The following PRKAA2 variants were observed in gnomAD, a reference collection of about 807,000 sequenced individuals.
The protein encoded by PRKAA2 is protein kinase AMP-activated catalytic subunit alpha 2.
Under a neutral mutation model 56.3 loss-of-function variants are expected in PRKAA2, and 40 were observed. The ratio of observed to expected loss-of-function variants is 0.71; its 90% CI spans 0.55 to 0.92. The LOEUF is 0.92. PRKAA2 is among the 40% of genes least tolerant of loss of function. PRKAA2 has a pLI of 0.00. For missense variants in PRKAA2, 542 were observed against 686.9 expected, an observed-to-expected ratio of 0.79 and a Z score of 2.36; for synonymous variants, 214 against 234.2, an observed-to-expected ratio of 0.91 and a Z score of 0.79.
rs1644314780 is a variant in PRKAA2 at position 56,704,056 on chromosome 1, G to A, written c.874G>A (p.Ala292Thr). ...SYDANVIDDE[A>T]VKEVCEKFEC... Reference sequence around the variant, plus strand: ...TGATGCTAACGTCATTGATGATGAGGCTGTGAAAGAAGTGTGTGAAAAATT... The same window carrying A: ...TGATGCTAACGTCATTGATGATGAGACTGTGAAAGAAGTGTGTGAAAAATT... The change falls in exon 7 of 9, where the codon GCT (alanine) becomes ACT (threonine). Residue 292 changes from alanine to threonine, a missense_variant. Physicochemically the swap from Ala to Thr is moderately conservative, Grantham distance 58 (BLOSUM62 0). This residue lies in a region of PRKAA2 where 198 missense variants were observed against 234.0 expected (regional missense o/e 0.85). Transcript: ENST00000371244. 1.2e-6 allele frequency: 2 copies of A among 1,614,060 alleles called. No homozygotes were observed. Among genetic ancestry groups the A allele is most frequent in the Non-Finnish European group, 1.7e-6 (2 of 1,179,966 alleles).
chr1:56,697,484 A>G lies in PRKAA2; in HGVS notation c.788+1325A>G, dbSNP rs78609775. Among the ~76,000 whole-genome samples the G allele has an allele frequency of 3.0e-4, 45 of 152,248 alleles. No individual in the cohort carries two copies. The East Asian group carries it at 8.7e-3, about 29-fold the overall frequency. On this transcript the variant is annotated intron_variant, in intron 6 of 8. Transcript: ENST00000371244. ...TTCCCAGCCTTTCTTCAGTGTTCCA[A>G]ACCTCATGTATAACAATGTAAAAGT...
At chr1:56,654,781 T>G (rs529979351) in intron 1 of PRKAA2, among the ~76,000 whole-genome samples, 6 of 152,304 alleles carry the variant, frequency 3.9e-5, no homozygotes, top group African/African-American at 1.4e-4. Context: ...AACAGTATTC[T>G]TGCTTAAGTG....
At chr1:56,652,008 A>AT (rs35462805) in intron 1 of PRKAA2, among the ~76,000 whole-genome samples, 3,961 of 106,518 alleles carry the variant, frequency 0.037, 78 homozygotes, top group African/African-American at 0.054. Context: ...CGCCTGGCTA[A>AT]TTTTTTTTTT....
Position 56,645,408 on chromosome 1 carries a change from C to G in PRKAA2, c.21C>G (p.His7Gln). ...CGAAGATGGCTGAGAAGCAGAAGCA[C>G]GACGGGCGGGTGAAGATCGGACACT... is the stretch of plus-strand genomic sequence containing the variant. MAEKQK[H>Q]DGRVKIGHYV... The change falls in exon 1 of 9, where the codon CAC becomes CAG. Residue 7 changes from histidine (H) to glutamine (Q), a missense_variant. His to Gln is a conservative substitution (Grantham distance 24). Transcript: ENST00000371244. 1 of 1,508,390 alleles carries G rather than the reference C, an allele frequency of 6.6e-7. No individual in the cohort carries two copies. The highest frequency in any genetic ancestry group is 2.8e-5 in the East Asian group (1 of 35,888). The allele number at this position is 1,508,390 out of a possible 1,614,324, so 93.4% of individuals were successfully genotyped here.
chr1:56,655,087 GA>G (rs1643929323), intron 1 of PRKAA2, among the ~76,000 whole-genome samples: 1 of 149,932 alleles, frequency 6.7e-6, no homozygotes, highest in African/African-American at 2.4e-5. Flanking sequence ...AATTATAAAT[GA>G]ATTATAAGGT....
rs748762841 is a variant in PRKAA2 at position 56,696,003 on chromosome 1, C to T, written c.632C>T (p.Thr211Ile). Residue 211 changes from threonine to isoleucine, a missense_variant, in exon 6 of 9, where the codon ACC (threonine) becomes ATC (isoleucine). This residue lies in a region of PRKAA2 where 198 missense variants were observed against 234.0 expected (regional missense o/e 0.85). Transcript: ENST00000371244. The stretch of plus-strand genomic sequence containing the variant: ...ATCTTGTATGCTCTTCTTTGTGGCA[C>T]CCTCCCATTTGATGATGAGCATGTA... ...GVILYALLCG[T>I]LPFDDEHVPT... 1.6e-5 allele frequency: 26 copies of T among 1,611,150 alleles called. No individual in the cohort carries two copies. Among genetic ancestry groups the T allele is most frequent in the Non-Finnish European group, 2.1e-5 (25 of 1,179,484 alleles).
Position 56,696,022 on chromosome 1 carries a change from G to C in PRKAA2, c.651G>C (p.Glu217Asp). Residue 217 changes from glutamate to aspartate, a missense_variant, in exon 6 of 9, where the codon GAG becomes GAC. Glu to Asp is a conservative substitution (Grantham distance 45). This residue lies in a region of PRKAA2 where 198 missense variants were observed against 234.0 expected (regional missense o/e 0.85). Transcript: ENST00000371244. ...GTGGCACCCTCCCATTTGATGATGAGCATGTACCTACGTTATTTAAGAAGA... is the reference window on the plus strand; with the variant it reads ...GTGGCACCCTCCCATTTGATGATGACCATGTACCTACGTTATTTAAGAAGA... Reference protein sequence around the residue: ...LLCGTLPFDDEHVPTLFKKIR... With the variant: ...LLCGTLPFDDDHVPTLFKKIR... 1 of 1,611,932 alleles carries C rather than the reference G, an allele frequency of 6.2e-7. No individual in the cohort carries two copies. Among genetic ancestry groups the C allele is most frequent in the Non-Finnish European group, 8.5e-7 (1 of 1,179,656 alleles).
At chr1:56,689,444 T>G (rs1332876347) in intron 2 of PRKAA2, among the ~76,000 whole-genome samples, 2 of 152,128 alleles carry the variant, frequency 1.3e-5, no homozygotes, top group African/African-American at 4.8e-5. Context: ...CTGGCCAGGC[T>G]TGGTGGCTCA....
At chr1:56,675,246 A>T (rs543522371) in intron 2 of PRKAA2, among the ~76,000 whole-genome samples, 1 of 152,262 alleles carries the variant, frequency 6.6e-6, no homozygotes, top group East Asian at 1.9e-4. Flanking sequence ...TAGACACTGA[A>T]AATTGTCTTA....
chr1:56,708,996 A>T lies in PRKAA2; in HGVS notation c.*1283A>T, dbSNP rs1284675002. The T allele has an allele frequency of 2.6e-5, 4 of 152,168 alleles. No homozygotes were observed. The East Asian group carries it at 5.8e-4, about 22-fold the overall frequency. 9.4% of individuals were successfully genotyped at this position (152,168 alleles called of 1,614,324 possible). On this transcript the variant is annotated 3_prime_UTR_variant, in exon 9 of 9. Transcript: ENST00000371244. Reference sequence around the variant, plus strand: ...TTAAGATTAAAAAAACACAAACTATAGCAGGGTAGATAATAGTTTATTGAT... The same window carrying T: ...TTAAGATTAAAAAAACACAAACTATTGCAGGGTAGATAATAGTTTATTGAT...
In PRKAA2 at chr1:56,712,655, C is replaced by T. The variant is rs959235223; in HGVS notation, c.*4942C>T. On this transcript the variant is annotated 3_prime_UTR_variant, in exon 9 of 9. Coordinates refer to ENST00000371244, the MANE Select transcript of PRKAA2 (RefSeq NM_006252.4). ...TCACCCGAGTTCAGGAGTTCGAGAC[C>T]AGTCTGGCCAACATGGTGAAACCTC... is the stretch of plus-strand genomic sequence containing the variant. 3 of 152,048 alleles carry T rather than the reference C, an allele frequency of 2.0e-5. No homozygotes were observed. Among genetic ancestry groups the T allele is most frequent in the African/African-American group, 7.2e-5 (3 of 41,396 alleles). 9.4% of individuals were successfully genotyped at this position (152,048 alleles called of 1,614,324 possible). A position where few individuals can be genotyped will look rare whatever the true frequency, so the allele number is the denominator to read the frequency against.
chr1:56,667,842 G>C (rs1294172526), intron 1 of PRKAA2, among the ~76,000 whole-genome samples: 1 of 152,126 alleles, frequency 6.6e-6, no homozygotes, highest in Non-Finnish European at 1.5e-5. Flanking sequence ...TAGACACCCT[G>C]AAGGATGATG....
rs190720160 is a variant in PRKAA2 at position 56,654,906 on chromosome 1, A to T, written c.94+9425A>T. ...TTTTAATCTGCCATTAGATCTTTTT[A>T]AACAGCCTTTTATATGATTAAAGAT... On this transcript the variant is annotated intron_variant, in intron 1 of 8. Transcript: ENST00000371244. Among the ~76,000 whole-genome samples the T allele has an allele frequency of 3.6e-3, 548 of 152,134 alleles. 3 individuals are homozygous for T. Among genetic ancestry groups the T allele is most frequent in the Non-Finnish European group, 5.8e-3 (396 of 67,954 alleles).
intron 1 of PRKAA2, among the ~76,000 whole-genome samples, chr1:56,662,947 G>A (rs2796525): frequency 0.99 from 150,074 of 152,250 alleles, 73,965 homozygotes; most frequent in East Asian, 1. Context: ...TTTCTGCTAA[G>A]GTTTTGGCTA....
chr1:56,707,572 T>C lies in PRKAA2; in HGVS notation c.1518T>C (p.Thr506=). ...CAAGATCAAGTTTTGATTCCACAAC[T>C]GCAGAGAGCCATTCACTTTCTGGCT... ...HRPRSSFDST[T]AESHSLSGSL... Residue 506 remains threonine, a synonymous_variant, in exon 9 of 9, where the codon ACT becomes ACC. Transcript: ENST00000371244. 3.1e-6 allele frequency: 5 copies of C among 1,614,174 alleles called. No individual in the cohort carries two copies. Among genetic ancestry groups the C allele is most frequent in the Non-Finnish European group, 4.2e-6 (5 of 1,180,018 alleles).
At chr1:56,687,173 C>T (rs540094176) in intron 2 of PRKAA2, among the ~76,000 whole-genome samples, 5 of 152,040 alleles carry the variant, frequency 3.3e-5, no homozygotes, top group South Asian at 4.2e-4. Flanking sequence ...TATGAGCCAC[C>T]GCACCTGGCC....
At position 56,710,649 on chromosome 1, in the gene PRKAA2, G is replaced by A. The variant is rs570558803; in HGVS notation, c.*2936G>A. On this transcript the variant is annotated 3_prime_UTR_variant, in exon 9 of 9. Coordinates refer to ENST00000371244, the MANE Select transcript of PRKAA2 (RefSeq NM_006252.4). ...ACTTGCAGACATGTTCATCGTGAGT[G>A]AATGCTGGATTAAATAGAATTTTCT... 1.3e-5 allele frequency: 2 copies of A among 152,210 alleles called. No individual in the cohort carries two copies. The highest frequency in any genetic ancestry group is 4.1e-4 in the South Asian group (2 of 4,828). 9.4% of individuals were successfully genotyped at this position (152,210 alleles called of 1,614,324 possible).
chr1:56,658,364 G>A (rs1643961870), intron 1 of PRKAA2, among the ~76,000 whole-genome samples: 1 of 152,180 alleles, frequency 6.6e-6, no homozygotes, highest in Admixed American at 6.5e-5. Flanking sequence ...GATGAAGCAT[G>A]TGGAATAAGA....
intron 1 of PRKAA2, among the ~76,000 whole-genome samples, chr1:56,672,075 G>A (rs1400213666): frequency 6.6e-6 from 1 of 151,990 alleles, no homozygotes; most frequent in South Asian, 2.1e-4. Context: ...ACACAAGTTT[G>A]GTGAAGAAGA....
Sources: allele counts gnomAD v4.1 joint callset (sites outside exome capture counted in the v4.1 genomes callset), GRCh38; gene constraint gnomAD v4.1.1; regional missense constraint gnomAD v4.1.1; transcripts MANE v1.5; gene names NCBI Gene and HGNC (gene_info 2026-07-23, HGNC 2026-07-21).